Variants in B4GALNT2 observed in about 807,000 individuals in gnomAD.
B4GALNT2 encodes the protein N-acetylneuraminylgalactosylglucosyl-glucoside beta-1,4-N- acetylgalactosaminyltransferase 2.
Under a neutral mutation model 51.1 loss-of-function variants are expected in B4GALNT2, and 42 were observed. The ratio of observed to expected loss-of-function variants is 0.82; its 90% CI spans 0.64 to 1.06. B4GALNT2 has a LOEUF of 1.06. Ranked by LOEUF, B4GALNT2 falls within the 50% of genes least tolerant of loss-of-function variation. The pLI, the probability that B4GALNT2 is intolerant of heterozygous loss-of-function variation, is 0.00. For synonymous variants in B4GALNT2, 253 were observed against 251.7 expected (o/e 1.01, Z -0.05); for missense variants, 602 against 633.6 (o/e 0.95, Z 0.54).
At chr17:49,148,386 G>T in intron 3 of B4GALNT2, 1 of 345,570 alleles carries the variant, frequency 2.9e-6, no homozygotes. Context: ...CCTCTTACTG[G>T]AATTTGGTTG....
chr17:49,168,834 C>G lies in B4GALNT2; in HGVS notation c.1249C>G (p.Leu417Val), dbSNP rs915410293. The G allele has an allele frequency of 8.7e-6, 14 of 1,613,772 alleles. No individual in the cohort carries two copies. The highest frequency in any genetic ancestry group is 6.7e-5 in the Admixed American group (4 of 60,014). ...GACCAGTGGCGTGGTCAACTTCTTC[C>G]TGGCCCACACGGAGCGACTCCAAAG... Reference protein sequence around the residue: ...VVTSGVVNFFLAHTERLQRVG... With the variant: ...VVTSGVVNFFVAHTERLQRVG... The change falls in exon 10 of 11, where the codon CTG becomes GTG. Residue 417 changes from leucine to valine, a missense_variant. Leu to Val is a conservative substitution (Grantham distance 32). Coordinates refer to ENST00000393354, the MANE Select transcript of B4GALNT2 (RefSeq NM_001159387.2).
In B4GALNT2 at chr17:49,160,581, G is replaced by T; in HGVS notation, c.706G>T (p.Ala236Ser). Residue 236 changes from alanine to serine, a missense_variant, in exon 7 of 11, where the codon GCC (alanine) becomes TCC (serine). Physicochemically the swap from Ala to Ser is moderately conservative, Grantham distance 99. Coordinates refer to ENST00000393354, the MANE Select transcript of B4GALNT2 (RefSeq NM_001159387.2). ...IVSLESRSSVAKFPVTIRHPV... is the reference protein window; with the variant it reads ...IVSLESRSSVSKFPVTIRHPV... ...GAGTCTGGAGTCCAGGTCCTCAGTG[G>T]CCAAGTTTCCAGTGACCATCCGCCA... 1 of 1,614,078 alleles carries T rather than the reference G, an allele frequency of 6.2e-7. No individual in the cohort carries two copies. Among genetic ancestry groups the T allele is most frequent in the Non-Finnish European group, 8.5e-7 (1 of 1,180,000 alleles).
chr17:49,147,387 T>C (rs2042705509), intron 3 of B4GALNT2, among the ~76,000 whole-genome samples: 1 of 151,398 alleles, frequency 6.6e-6, no homozygotes, highest in South Asian at 2.1e-4. Flanking sequence ...TCTTTTTTTT[T>C]TTTTTGAGAC....
At chr17:49,127,466 G>A (rs2042516683), upstream of B4GALNT2, among the ~76,000 whole-genome samples, 1 of 152,166 alleles carries the variant, frequency 6.6e-6, no homozygotes, top group African/African-American at 2.4e-5. Flanking sequence ...AAGTTTTAAA[G>A]ATTAAAGTCA....
chr17:49,143,008 G>A (rs1450302045), intron 3 of B4GALNT2, among the ~76,000 whole-genome samples: 1 of 152,178 alleles, frequency 6.6e-6, no homozygotes, highest in East Asian at 1.9e-4. Context: ...CAACACTTTG[G>A]GAGACTGAGG....
chr17:49,141,938 T>G, intron 2 of B4GALNT2, 97 bp from the exon 3 acceptor site: 1 of 1,490,384 alleles, frequency 6.7e-7, no homozygotes, highest in Non-Finnish European at 9.2e-7. Flanking sequence ...AAAGAAGATT[T>G]TCAGGGTAAA....
chr17:49,151,484 A>G (rs1292707954), intron 3 of B4GALNT2, among the ~76,000 whole-genome samples: 2 of 152,084 alleles, frequency 1.3e-5, no homozygotes, highest in East Asian at 3.8e-4. Flanking sequence ...GTGGTGGCTA[A>G]CATTTGTAAT....
Position 49,142,046 on chromosome 17 carries a change from A to C in B4GALNT2, c.227A>C (p.Lys76Thr). 1 of 1,614,138 alleles carries C rather than the reference A, an allele frequency of 6.2e-7. No individual in the cohort carries two copies. Among genetic ancestry groups the C allele is most frequent in the South Asian group, 1.1e-5 (1 of 91,078 alleles). Residue 76 changes from lysine to threonine, a missense_variant, in exon 3 of 11, where the codon AAA (lysine) becomes ACA (threonine). Lys to Thr is a moderately conservative substitution (Grantham distance 78). Transcript: ENST00000393354. The stretch of plus-strand genomic sequence containing the variant: ...CTTGCTTGTTTCAGGCTGTTCCCGA[A>C]AAATCAGTGCAAATGTGAAGCCAAC... ...FSYDGIWLFP[K>T]NQCKCEANKE...
At chr17:49,135,706 G>A (rs1386164490) in intron 1 of B4GALNT2, among the ~76,000 whole-genome samples, 1 of 152,004 alleles carries the variant, frequency 6.6e-6, no homozygotes, top group Non-Finnish European at 1.5e-5. Flanking sequence ...TGAGGCAGGA[G>A]GATTACCTGA....
At chr17:49,153,054 C>G in intron 4 of B4GALNT2, 148 bp downstream of exon 4, 1 of 707,764 alleles carries the variant, frequency 1.4e-6, no homozygotes, top group Non-Finnish European at 2.4e-6. Flanking sequence ...AGTGAGCTAT[C>G]ATCTTGCCAA....
At position 49,169,584 on chromosome 17, in the gene B4GALNT2, T is replaced by A; in HGVS notation, c.1377T>A (p.Gly459=). The change falls in exon 11 of 11, where the codon GGT becomes GGA. Residue 459 remains glycine, a synonymous_variant. Transcript: ENST00000393354. Reference sequence around the variant, plus strand: ...GGTCATGCCCAGAAGTGATTATAGGTCACCAGTCTCGGTCTCCAGTGGTGG... The same window carrying A: ...GGTCATGCCCAGAAGTGATTATAGGACACCAGTCTCGGTCTCCAGTGGTGG... ...LVGSCPEVII[G]HQSRSPVVDS... 1 of 1,612,976 alleles carries A rather than the reference T, an allele frequency of 6.2e-7. No individual in the cohort carries two copies. Among genetic ancestry groups the A allele is most frequent in the South Asian group, 1.1e-5 (1 of 91,022 alleles).
intron 5 of B4GALNT2, among the ~76,000 whole-genome samples, chr17:49,156,814 AG>A (rs1360762598): frequency 1.3e-5 from 2 of 152,190 alleles, no homozygotes; most frequent in African/African-American, 4.8e-5. Flanking sequence ...ACCACACTGA[AG>A]AATGGGACCC....
intron 6 of B4GALNT2, 29 bp from the exon 7 acceptor site, chr17:49,160,526 C>G: frequency 1.3e-6 from 2 of 1,597,338 alleles, no homozygotes; most frequent in Non-Finnish European, 1.7e-6. Flanking sequence ...ATGATACTCC[C>G]TGTGCCATTA....
intron 4 of B4GALNT2, among the ~76,000 whole-genome samples, chr17:49,155,559 G>A (rs987994134): frequency 7.7e-5 from 11 of 142,282 alleles, no homozygotes; most frequent in South Asian, 2.2e-4. Context: ...TTGAGATTGC[G>A]CCACTGCACT....
intron 5 of B4GALNT2, among the ~76,000 whole-genome samples, chr17:49,156,852 G>A (rs143510096): frequency 1.5e-4 from 23 of 152,360 alleles, no homozygotes; most frequent in African/African-American, 5.5e-4. Flanking sequence ...TCTGGTGCAA[G>A]AGGAAGCGGC....
chr17:49,143,004 T>C (rs2042659220), intron 3 of B4GALNT2, among the ~76,000 whole-genome samples: 1 of 152,082 alleles, frequency 6.6e-6, no homozygotes. Context: ...ATCCCAACAC[T>C]TTGGGAGACT....
At position 49,142,077 on chromosome 17, in the gene B4GALNT2, G is replaced by GC. The variant is rs1360457272; in HGVS notation, c.259dup (p.Gln87ProfsTer25). On this transcript the variant is annotated frameshift_variant, in exon 3 of 11. Transcript: ENST00000393354. LOFTEE classifies it high-confidence loss of function. ...AGTGCAAATGTGAAGCCAACAAAGA[G>GC]CAGGGAGGTTACAACTTTCAGGATG... The GC allele has an allele frequency of 6.2e-7, 1 of 1,614,052 alleles. No individual in the cohort carries two copies. Among genetic ancestry groups the GC allele is most frequent in the East Asian group, 2.2e-5 (1 of 44,888 alleles).
intron 9 of B4GALNT2, among the ~76,000 whole-genome samples, chr17:49,167,662 T>A (rs2042923265): frequency 6.8e-6 from 1 of 146,070 alleles, no homozygotes; most frequent in Non-Finnish European, 1.5e-5. Context: ...TAGGCTGGAG[T>A]GCAGTGGCGC....
Position 49,174,308 on chromosome 17 carries a change from T to C in B4GALNT2, c.*4580T>C, listed in dbSNP as rs1467214152. On this transcript the variant is annotated 3_prime_UTR_variant, in exon 11 of 11. Transcript: ENST00000393354. ...AGTAGGTTCAATTGTTTGCCCTACA[T>C]AAGTCTGGCAAATTGTTGGACTGTT... The C allele has an allele frequency of 1.1e-4, 17 of 152,240 alleles. No homozygotes were observed. Among genetic ancestry groups the C allele is most frequent in the Non-Finnish European group, 1.5e-5 (1 of 68,046 alleles). The allele number at this position is 152,240 out of a possible 1,614,324, so 9.4% of individuals were successfully genotyped here.
Sources: gnomAD v4.1 joint callset for allele counts (sites outside exome capture counted in the v4.1 genomes callset) on GRCh38, gnomAD v4.1.1 for gene constraint, MANE v1.5 for transcripts, NCBI Gene and HGNC (gene_info 2026-07-23, HGNC 2026-07-21) for gene names.